RHCE: variants seen among roughly 807,000 people sequenced by gnomAD.
RHCE encodes the protein blood group Rh(CE) polypeptide.
In RHCE, 22 loss-of-function variants were observed where a neutral mutation model predicts 43.8. The observed-to-expected ratio is 0.50, with a 90% CI of 0.36 to 0.72. The LOEUF (loss-of-function observed/expected upper bound fraction) is 0.72. Among genes scored for constraint, RHCE ranks in the 30% least tolerant of loss-of-function variants. The pLI, the probability that RHCE is intolerant of heterozygous loss-of-function variation, is 0.00. For synonymous variants in RHCE, 156 were observed against 210.7 expected (o/e 0.74, Z 2.25); for missense variants, 385 against 525.4 (o/e 0.73, Z 2.61).
intron 7 of RHCE, 29 bp downstream of exon 7, chr1:25,385,682 G>A (rs752535368): frequency 1.8e-5 from 29 of 1,613,834 alleles, no homozygotes; most frequent in Middle Eastern, 1.6e-4. Context: ...GGAGTGTTAA[G>A]GGGATGGGGG....
chr1:25,420,305 A>C (rs1036639157), intron 1 of RHCE, among the ~76,000 whole-genome samples: 10 of 152,216 alleles, frequency 6.6e-5, no homozygotes, highest in Non-Finnish European at 1.3e-4. Flanking sequence ...AAATAAAAAA[A>C]ATCCTTGCCA....
At chr1:25,398,722 T>A in intron 3 of RHCE, 1 of 1,598,868 alleles carries the variant, frequency 6.3e-7, no homozygotes. Context: ...AGGAACGAGA[T>A]GGCGGTTCTC....
chr1:25,378,889 C>A (rs1645867942), intron 7 of RHCE, among the ~76,000 whole-genome samples: 1 of 152,252 alleles, frequency 6.6e-6, no homozygotes, highest in African/African-American at 2.4e-5. Flanking sequence ...AAGACCCAAG[C>A]ATGACAGAAC....
At chr1:25,412,860 A>G (rs891311556) in intron 1 of RHCE, among the ~76,000 whole-genome samples, 3 of 151,782 alleles carry the variant, frequency 2.0e-5, no homozygotes, top group Non-Finnish European at 4.4e-5. Flanking sequence ...TCCCGTCTCT[A>G]CTAAAAATAC....
chr1:25,416,048 A>C (rs1647392006), intron 1 of RHCE, among the ~76,000 whole-genome samples: 1 of 150,856 alleles, frequency 6.6e-6, no homozygotes, highest in South Asian at 2.1e-4. Flanking sequence ...TCTATCTCTA[A>C]AGGTACTTTG....
Position 25,373,836 on chromosome 1 carries a change from CT to C in RHCE, c.1153+1512del, listed in dbSNP as rs59722323. 7.5e-3 allele frequency among the ~76,000 whole-genome samples: 1,067 copies of C among 143,082 alleles called. 6 individuals carry two copies. Among genetic ancestry groups the C allele is most frequent in the Non-Finnish European group, 0.01 (678 of 65,536 alleles). 93.9% of individuals were successfully genotyped at this position (143,082 alleles called of 152,430 possible). On this transcript the variant is annotated intron_variant, in intron 8 of 9. Transcript: ENST00000294413. ...TCTGGATGGAATGTATATTTTCTTT[CT>C]TTTTTTTTTTTTTGAGACAGTCTCA...
At chr1:25,416,137 G>A (rs539659925) in intron 1 of RHCE, among the ~76,000 whole-genome samples, 1 of 152,186 alleles carries the variant, frequency 6.6e-6, no homozygotes, top group Non-Finnish European at 1.5e-5. Flanking sequence ...ATGTCATACA[G>A]CCTTGAGTCT....
At position 25,381,908 on chromosome 1, in the gene RHCE, T is replaced by C. The variant is rs538704561; in HGVS notation, c.1073+3803A>G. Reference sequence around the variant, plus strand: ...TACTTCTTGCATTAATTTTCTTTCTTTGTCCATATTCTGTTGCTATGACAA... The same window carrying C: ...TACTTCTTGCATTAATTTTCTTTCTCTGTCCATATTCTGTTGCTATGACAA... On this transcript the variant is annotated intron_variant, in intron 7 of 9. Transcript: ENST00000294413. 3.3e-5 allele frequency among the ~76,000 whole-genome samples: 5 copies of C among 151,538 alleles called. No individual in the cohort carries two copies. The South Asian group carries it at 1.0e-3, about 31-fold the overall frequency.
intron 7 of RHCE, among the ~76,000 whole-genome samples, chr1:25,376,737 A>G (rs1325448633): frequency 6.6e-6 from 1 of 151,962 alleles, no homozygotes; most frequent in Non-Finnish European, 1.5e-5. Context: ...ACACAGTGAA[A>G]CCCCTTCTCT....
chr1:25,393,093 G>C (rs550554525), intron 3 of RHCE, among the ~76,000 whole-genome samples: 2 of 152,132 alleles, frequency 1.3e-5, no homozygotes, highest in African/African-American at 4.8e-5. Flanking sequence ...TCACATTTTA[G>C]TAATGCTTCA....
intron 7 of RHCE, among the ~76,000 whole-genome samples, chr1:25,377,120 T>C (rs952690042): frequency 1.3e-5 from 2 of 152,048 alleles, no homozygotes; most frequent in African/African-American, 2.4e-5. Flanking sequence ...CAAACACAGT[T>C]CAGGTTATCA....
intron 8 of RHCE, among the ~76,000 whole-genome samples, chr1:25,374,158 G>A (rs1425008825): frequency 2.0e-5 from 3 of 150,016 alleles, no homozygotes; most frequent in South Asian, 2.1e-4. Flanking sequence ...ACAGAGTCTC[G>A]GCCCACTGCA....
intron 1 of RHCE, among the ~76,000 whole-genome samples, chr1:25,410,401 T>C (rs1450134830): frequency 4.6e-5 from 7 of 152,166 alleles, no homozygotes; most frequent in African/African-American, 1.7e-4. Flanking sequence ...TTTTTAGTTT[T>C]AGTGTTTAAA....
intron 3 of RHCE, among the ~76,000 whole-genome samples, chr1:25,399,487 CT>C (rs1646661378): frequency 6.6e-6 from 1 of 152,064 alleles, no homozygotes; most frequent in African/African-American, 2.4e-5. Flanking sequence ...CAGCTTTTGC[CT>C]TTTAATTTCT....
At chr1:25,392,624 G>GCT in intron 3 of RHCE, among the ~76,000 whole-genome samples, 1 of 130,066 alleles carries the variant, frequency 7.7e-6, no homozygotes, top group East Asian at 2.5e-4. Context: ...AAGCTGGAGT[G>GCT]CAGTGGTGTG....
chr1:25,395,299 T>C (rs1393398295), intron 3 of RHCE, among the ~76,000 whole-genome samples: 1 of 149,626 alleles, frequency 6.7e-6, no homozygotes, highest in Non-Finnish European at 1.5e-5. Flanking sequence ...TTCTGCAGGA[T>C]CTGGGACATA....
upstream of RHCE, among the ~76,000 whole-genome samples, chr1:25,423,980 C>T (rs1032659028): frequency 2.0e-5 from 3 of 152,176 alleles, no homozygotes; most frequent in African/African-American, 7.2e-5. Context: ...TAACGCTTTT[C>T]AACTTTATGA....
chr1:25,379,650 G>C (rs577558235), intron 7 of RHCE, among the ~76,000 whole-genome samples: 1 of 142,008 alleles, frequency 7.0e-6, no homozygotes, highest in Admixed American at 7.0e-5. Flanking sequence ...GACTACAGAC[G>C]TGTGCCACCA....
At chr1:25,371,306 G>T (rs1645605502) in intron 8 of RHCE, among the ~76,000 whole-genome samples, 1 of 151,476 alleles carries the variant, frequency 6.6e-6, no homozygotes, top group Admixed American at 6.6e-5. Flanking sequence ...GTGTAGTTAG[G>T]AAAGTAGCTT....
Sources: gnomAD v4.1 joint callset for allele counts (sites outside exome capture counted in the v4.1 genomes callset) on GRCh38, gnomAD v4.1.1 for gene constraint, MANE v1.5 for transcripts, NCBI Gene and HGNC (gene_info 2026-07-23, HGNC 2026-07-21) for gene names.